The following TAF4 variants were observed in gnomAD, a reference collection of about 807,000 sequenced individuals.
The protein encoded by TAF4 is transcription initiation factor TFIID subunit 4.
TAF4 carries 9 observed loss-of-function variants against 90.3 expected under a neutral mutation model. The ratio of observed to expected loss-of-function variants is 0.10; its 90% CI spans 0.06 to 0.17. The LOEUF (loss-of-function observed/expected upper bound fraction) is 0.17. TAF4 is among the 10% of genes least tolerant of loss of function. TAF4 has a pLI of 1.00. For synonymous variants in TAF4, 818 were observed against 638.9 expected (o/e 1.28, Z -4.23); for missense variants, 1,351 against 1,370.7 (o/e 0.99, Z 0.23).
Position 62,053,433 on chromosome 20 carries a change from T to A in TAF4, c.1360+11018A>T, listed in dbSNP as rs907666477. Among the ~76,000 whole-genome samples the A allele has an allele frequency of 3.9e-5, 6 of 152,138 alleles. No individual in the cohort carries two copies. The South Asian group carries it at 8.3e-4, about 21-fold the overall frequency. ...CTAAGCAGCTCCATTAAGTGCCCGGTCAGGCAGGAGCGGCAGGGAAACACT... is the reference window on the plus strand; with the variant it reads ...CTAAGCAGCTCCATTAAGTGCCCGGACAGGCAGGAGCGGCAGGGAAACACT... On this transcript the variant is annotated intron_variant, in intron 1 of 14. Transcript: ENST00000252996.
At position 62,048,933 on chromosome 20, in the gene TAF4, G is replaced by A. The variant is rs577703550; in HGVS notation, c.1360+15518C>T. On this transcript the variant is annotated intron_variant, in intron 1 of 14. Coordinates refer to ENST00000252996, the MANE Select transcript of TAF4 (RefSeq NM_003185.4). ...CCCACGTTGGTCACCAAGCTCCATC[G>A]TCCCGCGGCCCTCTCCCTGCATGCC... Among the ~76,000 whole-genome samples the A allele has an allele frequency of 1.1e-4, 7 of 63,634 alleles. No individual in the cohort carries two copies. In the South Asian group the frequency reaches 2.2e-3, roughly 20 times the overall value. 41.7% of individuals were successfully genotyped at this position (63,634 alleles called of 152,430 possible).
At chr20:62,059,456 A>G (rs1425448089) in intron 1 of TAF4, among the ~76,000 whole-genome samples, 1 of 152,198 alleles carries the variant, frequency 6.6e-6, no homozygotes, top group Non-Finnish European at 1.5e-5. Flanking sequence ...ATTCTACTTC[A>G]TTATTCCACG....
intron 1 of TAF4, among the ~76,000 whole-genome samples, chr20:62,053,395 T>C (rs754034997): frequency 9.2e-5 from 14 of 152,164 alleles, no homozygotes; most frequent in Non-Finnish European, 2.1e-4. Context: ...TCTCTGCCGC[T>C]CTGGATCCGT....
intron 1 of TAF4, among the ~76,000 whole-genome samples, chr20:62,048,810 C>T (rs1031431322): frequency 6.7e-6 from 1 of 148,540 alleles, no homozygotes; most frequent in Non-Finnish European, 1.5e-5. Flanking sequence ...TCACCAAGCT[C>T]CGTACACCCC....
chr20:61,997,481 T>G, intron 14 of TAF4, 69 bp downstream of exon 14: 1 of 1,419,090 alleles, frequency 7.0e-7, no homozygotes, highest in Non-Finnish European at 9.3e-7. Flanking sequence ...GTCCGTCCCC[T>G]AGAAGAGGGT....
intron 11 of TAF4, 76 bp downstream of exon 11, chr20:62,000,048 G>A (rs2055689260): frequency 1.2e-6 from 2 of 1,600,112 alleles, no homozygotes; most frequent in Non-Finnish European, 1.7e-6. Context: ...GCCTCGGTGT[G>A]GGGAGGAGGC....
At chr20:61,988,085 G>C (rs1380569621) in intron 14 of TAF4, among the ~76,000 whole-genome samples, 1 of 152,216 alleles carries the variant, frequency 6.6e-6, no homozygotes, top group East Asian at 1.9e-4. Flanking sequence ...GCAGAGCACA[G>C]AGGAATTCAG....
At chr20:62,037,157 C>A (rs1871625580) in intron 1 of TAF4, among the ~76,000 whole-genome samples, 1 of 147,906 alleles carries the variant, frequency 6.8e-6, no homozygotes, top group Non-Finnish European at 1.5e-5. Flanking sequence ...CAGCTGACAT[C>A]ATGTGCGTCA....
intron 1 of TAF4, among the ~76,000 whole-genome samples, chr20:62,054,271 A>G (rs186596768): frequency 1.2e-3 from 186 of 152,282 alleles, no homozygotes; most frequent in African/African-American, 4.3e-3. Flanking sequence ...TTAAGGGGCC[A>G]CGGGGTTTTG....
At chr20:61,992,804 G>A (rs1402893240) in intron 14 of TAF4, among the ~76,000 whole-genome samples, 2 of 152,168 alleles carry the variant, frequency 1.3e-5, no homozygotes, top group Non-Finnish European at 2.9e-5. Flanking sequence ...CAGACGGCAA[G>A]GACATCAGCC....
intron 1 of TAF4, among the ~76,000 whole-genome samples, chr20:62,054,051 G>A (rs55669126): frequency 0.029 from 4,473 of 152,306 alleles, 166 homozygotes; most frequent in African/African-American, 0.087. Context: ...GAGGCCACGC[G>A]CCACACAGAC....
At chr20:62,024,887 G>A (rs1007349103) in intron 1 of TAF4, among the ~76,000 whole-genome samples, 12 of 151,782 alleles carry the variant, frequency 7.9e-5, no homozygotes, top group African/African-American at 2.7e-4. Context: ...AAAAAAAAGT[G>A]GGCAATTGAA....
At chr20:62,021,772 A>C (rs1336779865) in intron 1 of TAF4, among the ~76,000 whole-genome samples, 1 of 151,990 alleles carries the variant, frequency 6.6e-6, no homozygotes, top group Non-Finnish European at 1.5e-5. Flanking sequence ...AAACAGGCAT[A>C]TGATTAAAGT....
In TAF4 at chr20:61,975,246, TTA is replaced by T. The variant is rs2055485734; in HGVS notation, c.*920_*921del. The stretch of plus-strand genomic sequence containing the variant: ...TGCATACAGTCTCTTAGCAAAATAA[TTA>T]TAGTTTACATAGCCATTTCTATGTC... On this transcript the variant is annotated 3_prime_UTR_variant, in exon 15 of 15. Transcript: ENST00000252996. The T allele has an allele frequency of 6.6e-6, 1 of 152,430 alleles. No homozygotes were observed. The highest frequency in any genetic ancestry group is 2.4e-5 in the African/African-American group (1 of 41,436). The allele number at this position is 152,430 out of a possible 1,614,324, so 9.4% of individuals were successfully genotyped here.
chr20:62,049,045 T>G (rs1256910726), intron 1 of TAF4, among the ~76,000 whole-genome samples: 2 of 50,316 alleles, frequency 4.0e-5, no homozygotes, highest in East Asian at 5.9e-4. Context: ...CCTCCCCCAG[T>G]CCTCTCCCCG....
In TAF4 at chr20:61,976,110, T is replaced by C; in HGVS notation, c.*58A>G. 6.3e-7 allele frequency: 1 copy of C among 1,579,258 alleles called. No homozygotes were observed. The highest frequency in any genetic ancestry group is 8.7e-7 in the Non-Finnish European group (1 of 1,150,450). ...GTTTTTTAAACAATATCCCATTTGC[T>C]CGTTACAAAAAGGCGTAATCTGCAA... On this transcript the variant is annotated 3_prime_UTR_variant, in exon 15 of 15. Transcript: ENST00000252996.
At chr20:62,018,786 C>A (rs537281152) in intron 1 of TAF4, among the ~76,000 whole-genome samples, 1 of 152,380 alleles carries the variant, frequency 6.6e-6, no homozygotes, top group East Asian at 1.9e-4. Flanking sequence ...GTCAAACCTG[C>A]AACAAGAAAC....
In TAF4 at chr20:62,053,707, C is replaced by A. The variant is rs2056044099; in HGVS notation, c.1360+10744G>T. ...AACTCATCCCCCTGGCCCACCAAGG[C>A]CAAGCACGGTCTGAGGCCTGCTGGC... On this transcript the variant is annotated intron_variant, in intron 1 of 14. Transcript: ENST00000252996. Among the ~76,000 whole-genome samples, 3 of 152,244 alleles carry A rather than the reference C, an allele frequency of 2.0e-5. No homozygotes were observed. In the South Asian group the frequency reaches 6.2e-4, roughly 32 times the overall value.
intron 1 of TAF4, among the ~76,000 whole-genome samples, chr20:62,026,831 C>T (rs1196394342): frequency 2.6e-5 from 4 of 152,192 alleles, no homozygotes; most frequent in Non-Finnish European, 1.5e-5. Context: ...TAGGATTTAT[C>T]CTTATTCCTT....
Sources: allele counts gnomAD v4.1 joint callset (sites outside exome capture counted in the v4.1 genomes callset), GRCh38; gene constraint gnomAD v4.1.1; transcripts MANE v1.5; gene names NCBI Gene and HGNC (gene_info 2026-07-23, HGNC 2026-07-21).